The following C1QTNF1 variants were observed in gnomAD, a reference collection of about 807,000 sequenced individuals.
C1QTNF1 encodes the protein C1q and TNF related 1.
Under a neutral mutation model 27.8 loss-of-function variants are expected in C1QTNF1, and 22 were observed. That is an observed-to-expected ratio of 0.79 (90% CI 0.56 to 1.13). The LOEUF (loss-of-function observed/expected upper bound fraction) is 1.13, where lower values mean the gene tolerates loss of function less well. C1QTNF1 is among the 50% of genes most tolerant of loss of function. The pLI is 0.00. For synonymous variants in C1QTNF1, 166 were observed against 154.3 expected (o/e 1.08, Z -0.56); for missense variants, 373 against 380.2 (o/e 0.98, Z 0.16).
intron 2 of C1QTNF1, among the ~76,000 whole-genome samples, chr17:79,044,996 G>A (rs571910831): frequency 6.9e-4 from 105 of 152,294 alleles, no homozygotes; most frequent in Middle Eastern, 6.8e-3. Flanking sequence ...GAGTGGCACA[G>A]TCCTGGCCTC....
At position 79,046,776 on chromosome 17, in the gene C1QTNF1, G is replaced by T; in HGVS notation, c.295+82G>T. On this transcript the variant is annotated intron_variant, in intron 3 of 3. Coordinates refer to ENST00000579760, the MANE Select transcript of C1QTNF1 (RefSeq NM_030968.5). This position sits in a 1 kb window ranked among gnomAD's most constrained non-coding sequence, Gnocchi z 4.8. ...AGGAAGGGATGGAGTCGTTAGGGTG[G>T]GGCTAGGCGAGAGCAGAATGGCTCC... 1.9e-6 allele frequency: 3 copies of T among 1,560,748 alleles called. No homozygotes were observed. The South Asian group carries it at 3.4e-5, about 18-fold the overall frequency.
chr17:79,043,245 G>T, intron 1 of C1QTNF1: 2 of 453,902 alleles, frequency 4.4e-6, no homozygotes, highest in South Asian at 3.1e-5. Flanking sequence ...TGTGATATGG[G>T]TATATGTATG....
At chr17:79,032,142 G>A (rs1344208450) in intron 1 of C1QTNF1, among the ~76,000 whole-genome samples, 1 of 152,194 alleles carries the variant, frequency 6.6e-6, no homozygotes, top group Non-Finnish European at 1.5e-5. Context: ...GACAGGACGA[G>A]GAAACCAAGG....
rs1436718611 is a variant in C1QTNF1, at chr17:79,048,735, G to A, written c.*647G>A. Reference sequence around the variant, plus strand: ...GGTCTTTCTGAGTCACAGCTGCGAGGTGATGGGGGCTGGGGCCCCAGGCGT... The same window carrying A: ...GGTCTTTCTGAGTCACAGCTGCGAGATGATGGGGGCTGGGGCCCCAGGCGT... On this transcript the variant is annotated 3_prime_UTR_variant, in exon 4 of 4. Coordinates refer to ENST00000579760, the MANE Select transcript of C1QTNF1 (RefSeq NM_030968.5). 1 of 152,278 alleles carries A rather than the reference G, an allele frequency of 6.6e-6. No individual in the cohort carries two copies. The highest frequency in any genetic ancestry group is 2.4e-5 in the African/African-American group (1 of 41,466). The allele number at this position is 152,278 out of a possible 1,614,324, so 9.4% of individuals were successfully genotyped here. A position where few individuals can be genotyped will look rare whatever the true frequency, so the allele number is the denominator to read the frequency against.
intron 1 of C1QTNF1, among the ~76,000 whole-genome samples, chr17:79,029,352 G>A (rs1396838165): frequency 6.6e-6 from 1 of 152,184 alleles, no homozygotes; most frequent in East Asian, 1.9e-4. Context: ...TCTAATCTGA[G>A]CTCCAGCACC....
At chr17:79,028,182 C>T (rs780237246) in intron 1 of C1QTNF1, among the ~76,000 whole-genome samples, 5 of 152,092 alleles carry the variant, frequency 3.3e-5, no homozygotes, top group African/African-American at 7.2e-5. Context: ...GACAGGCAGG[C>T]GGGGCATGGG....
chr17:79,043,523 CATGT>C (rs1175472699), intron 1 of C1QTNF1: 4 of 441,814 alleles, frequency 9.1e-6, no homozygotes, highest in African/African-American at 8.1e-5. Context: ...TATATGTATG[CATGT>C]GTGTAGGTTT....
At chr17:79,043,875 C>A in intron 1 of C1QTNF1, 80 bp from the exon 2 acceptor site, 2 of 1,521,780 alleles carry the variant, frequency 1.3e-6, no homozygotes, top group Non-Finnish European at 1.8e-6. Context: ...CAGGCTGTTT[C>A]TCTCCCCAAT....
At chr17:79,047,046 G>A (rs1464529793) in intron 3 of C1QTNF1, 2 of 303,514 alleles carry the variant, frequency 6.6e-6, no homozygotes, top group African/African-American at 4.3e-5. Context: ...AATGCCACCT[G>A]CTCGCTCCGG....
At chr17:79,035,866 G>A (rs2072254022) in intron 1 of C1QTNF1, among the ~76,000 whole-genome samples, 1 of 152,228 alleles carries the variant, frequency 6.6e-6, no homozygotes, top group Non-Finnish European at 1.5e-5. Flanking sequence ...GAAGATGCTT[G>A]TCTTGGGTGG....
upstream of C1QTNF1, among the ~76,000 whole-genome samples, chr17:79,023,666 C>T (rs558482522): frequency 3.3e-4 from 50 of 151,930 alleles, no homozygotes; most frequent in African/African-American, 1.2e-3. Flanking sequence ...CTGAACAAAA[C>T]AGTGGACCAT....
chr17:79,034,694 C>T (rs118009080), intron 1 of C1QTNF1, among the ~76,000 whole-genome samples: 1,591 of 152,318 alleles, frequency 0.01, 16 homozygotes, highest in Non-Finnish European at 0.014. Context: ...TAGCAAGTAA[C>T]CCTGGAAGAG....
intron 1 of C1QTNF1, among the ~76,000 whole-genome samples, chr17:79,030,473 TTC>T (rs1355151193): frequency 1.7e-5 from 2 of 117,102 alleles, no homozygotes; most frequent in Admixed American, 8.7e-5. Flanking sequence ...CTTTCTTTCT[TTC>T]TTTCTTTCTT....
chr17:79,048,044 A>G lies in C1QTNF1; in HGVS notation c.802A>G (p.Ile268Val). Reference protein sequence around the residue: ...AIFSEELDTYITFSGYLVKHA... With the variant: ...AIFSEELDTYVTFSGYLVKHA... Reference sequence around the variant, plus strand: ...CTTCAGCGAGGAGCTGGACACCTACATCACCTTCAGTGGCTACCTGGTCAA... The same window carrying G: ...CTTCAGCGAGGAGCTGGACACCTACGTCACCTTCAGTGGCTACCTGGTCAA... Residue 268 changes from isoleucine to valine, a missense_variant, in exon 4 of 4, where the codon ATC becomes GTC. Ile to Val is a conservative substitution (Grantham distance 29). Transcript: ENST00000579760. 2 of 1,591,988 alleles carry G rather than the reference A, an allele frequency of 1.3e-6. No homozygotes were observed. Among genetic ancestry groups the G allele is most frequent in the Non-Finnish European group, 1.7e-6 (2 of 1,171,730 alleles).
In C1QTNF1 at chr17:79,048,047, A is replaced by G; in HGVS notation, c.805A>G (p.Thr269Ala). Residue 269 changes from threonine to alanine, a missense_variant, in exon 4 of 4, where the codon ACC (threonine) becomes GCC (alanine). Thr to Ala is a moderately conservative substitution (Grantham distance 58). Coordinates refer to ENST00000579760, the MANE Select transcript of C1QTNF1 (RefSeq NM_030968.5). ...IFSEELDTYITFSGYLVKHAT... is the reference protein window; with the variant it reads ...IFSEELDTYIAFSGYLVKHAT... ...CAGCGAGGAGCTGGACACCTACATC[A>G]CCTTCAGTGGCTACCTGGTCAAGCA... 1.3e-6 allele frequency: 2 copies of G among 1,586,624 alleles called. No individual in the cohort carries two copies. The highest frequency in any genetic ancestry group is 1.7e-6 in the Non-Finnish European group (2 of 1,169,486).
At chr17:79,023,836 C>T (rs1164830567), upstream of C1QTNF1, among the ~76,000 whole-genome samples, 5 of 152,328 alleles carry the variant, frequency 3.3e-5, no homozygotes, top group African/African-American at 1.2e-4. Flanking sequence ...TGTTTGGAGA[C>T]CTGACCCCTC....
chr17:79,040,590 C>A (rs7216249), intron 1 of C1QTNF1, among the ~76,000 whole-genome samples: 152,024 of 152,024 alleles, frequency 1, 76,012 homozygotes, highest in Non-Finnish European at 1. Context: ...AAATGCAGCC[C>A]CCCTGCTCAA....
intron 1 of C1QTNF1, among the ~76,000 whole-genome samples, chr17:79,030,518 T>TTTCTTTC (rs1487815026): frequency 1.7e-5 from 2 of 114,644 alleles, no homozygotes; most frequent in Non-Finnish European, 3.8e-5. Context: ...TCTTTCTTTC[T>TTTCTTTC]TTCTTTCTTT....
rs761784567 is a variant in C1QTNF1, at chr17:79,048,062, C to G, written c.820C>G (p.Leu274Val). ...LDTYITFSGY[L>V]VKHATEP ...CACCTACATCACCTTCAGTGGCTAC[C>G]TGGTCAAGCACGCCACCGAGCCCTA... is the stretch of plus-strand genomic sequence containing the variant. The change falls in exon 4 of 4, where the codon CTG becomes GTG. Residue 274 changes from leucine (L) to valine (V), a missense_variant. Transcript: ENST00000579760. 3 of 1,576,748 alleles carry G rather than the reference C, an allele frequency of 1.9e-6. No homozygotes were observed. Among genetic ancestry groups the G allele is most frequent in the South Asian group, 2.3e-5 (2 of 87,172 alleles).
Sources: allele counts gnomAD v4.1 joint callset (sites outside exome capture counted in the v4.1 genomes callset), GRCh38; gene constraint gnomAD v4.1.1; non-coding constraint Gnocchi (gnomAD v3.1); transcripts MANE v1.5; gene names NCBI Gene and HGNC (gene_info 2026-07-23, HGNC 2026-07-21).